Variants in RTTN observed in about 807,000 individuals in gnomAD.
RTTN encodes rotatin.
Under a neutral mutation model 269.2 loss-of-function variants are expected in RTTN, and 182 were observed. That is an observed-to-expected ratio of 0.68 (90% confidence interval 0.60 to 0.76). The LOEUF is 0.76. RTTN is among the 30% of genes least tolerant of loss of function. The probability of loss-of-function intolerance (pLI) is 0.00; values close to 1 mark genes in which losing one functional copy is unlikely to be tolerated. For missense variants in RTTN, 2,545 were observed against 2,608.6 expected (o/e 0.98, Z 0.53); for synonymous variants, 1,006 against 963.5 (o/e 1.04, Z -0.82).
Position 70,150,615 on chromosome 18 carries a change from T to C in RTTN, c.2048A>G (p.Glu683Gly). The C allele has an allele frequency of 1.9e-6, 3 of 1,612,170 alleles. No homozygotes were observed. Among genetic ancestry groups the C allele is most frequent in the Non-Finnish European group, 2.5e-6 (3 of 1,178,706 alleles). Residue 683 changes from glutamate (E) to glycine (G), a missense_variant, in exon 15 of 49, where the codon GAA becomes GGA. Transcript: ENST00000640769. ...EISVFGIQEPESEVNTAAKAI... is the reference protein window; with the variant it reads ...EISVFGIQEPGSEVNTAAKAI... ...TCATGTTTAATGTCATACCTCACTTTCGGGCTCTTGAATGCCAAATACAGA... is the reference window on the plus strand; with the variant it reads ...TCATGTTTAATGTCATACCTCACTTCCGGGCTCTTGAATGCCAAATACAGA...
intron 43 of RTTN, among the ~76,000 whole-genome samples, chr18:70,026,442 G>A (rs975467960): frequency 3.9e-5 from 6 of 151,922 alleles, no homozygotes; most frequent in African/African-American, 7.3e-5. Context: ...GTACCTCCTC[G>A]CCAGCTCTCT....
chr18:70,029,205 T>C (rs909059120), intron 42 of RTTN, among the ~76,000 whole-genome samples: 1 of 150,652 alleles, frequency 6.6e-6, no homozygotes, highest in Non-Finnish European at 1.5e-5. Context: ...ACAATCAATC[T>C]CCTGCATCAA....
chr18:70,184,746 G>GTGTGTT (rs2061504984), intron 10 of RTTN, among the ~76,000 whole-genome samples: 1 of 121,460 alleles, frequency 8.2e-6, no homozygotes, highest in Non-Finnish European at 1.7e-5. Flanking sequence ...GTGTGTGTGT[G>GTGTGTT]TGTGTGTGTG....
intron 14 of RTTN, among the ~76,000 whole-genome samples, chr18:70,165,405 A>G (rs1235783653): frequency 6.6e-6 from 1 of 151,938 alleles, no homozygotes; most frequent in East Asian, 1.9e-4. Context: ...TGGTGGGAGA[A>G]GAGAAAGCAA....
At chr18:70,174,285 G>A (rs957540635) in intron 11 of RTTN, among the ~76,000 whole-genome samples, 8 of 152,028 alleles carry the variant, frequency 5.3e-5, no homozygotes, top group African/African-American at 1.9e-4. Flanking sequence ...ACACAGAAGA[G>A]ACACCAGCCT....
At chr18:70,178,839 C>T (rs1225873221) in intron 10 of RTTN, among the ~76,000 whole-genome samples, 1 of 151,956 alleles carries the variant, frequency 6.6e-6, no homozygotes, top group African/African-American at 2.4e-5. Flanking sequence ...CTACTGATGA[C>T]ATGTTTAACA....
intron 45 of RTTN, 140 bp downstream of exon 45, chr18:70,020,475 C>A: frequency 2.5e-6 from 2 of 806,326 alleles, no homozygotes; most frequent in South Asian, 3.9e-5. Context: ...ACAAAGTGAA[C>A]CTCTTAACCC....
At chr18:70,079,049 G>A (rs1180617621) in intron 32 of RTTN, among the ~76,000 whole-genome samples, 3 of 151,982 alleles carry the variant, frequency 2.0e-5, no homozygotes, top group Non-Finnish European at 2.9e-5. Flanking sequence ...AAATCCTTAG[G>A]TACTAAAGTA....
chr18:70,021,500 T>TG (rs2056703629), intron 44 of RTTN, among the ~76,000 whole-genome samples: 1 of 152,194 alleles, frequency 6.6e-6, no homozygotes, highest in Non-Finnish European at 1.5e-5. Context: ...GAGGCCAACT[T>TG]AAGTATAAAC....
intron 10 of RTTN, among the ~76,000 whole-genome samples, chr18:70,184,701 A>G (rs1396531903): frequency 1.9e-3 from 41 of 21,100 alleles, no homozygotes; most frequent in East Asian, 0.011. Context: ...AAACCACAGC[A>G]GGTTTTTTTT....
chr18:70,152,423 A>G (rs1212759731), intron 14 of RTTN, among the ~76,000 whole-genome samples: 1 of 152,180 alleles, frequency 6.6e-6, no homozygotes, highest in Non-Finnish European at 1.5e-5. Flanking sequence ...AGGAGGATTC[A>G]ATGAGATAAT....
Position 70,188,210 on chromosome 18 carries a change from C to G in RTTN, c.1203G>C (p.Val401=). The stretch of plus-strand genomic sequence containing the variant: ...TAAGCAATTCCAGAACTCTTATTAT[C>G]ACTTGTCTGCTACCTAGGAATACAA... ...VPLLRTGSRQ[V]IIRVLELLTE... is the part of the protein sequence containing the mutation. The change falls in exon 10 of 49, where the codon GTG becomes GTC. Residue 401 remains valine, a synonymous_variant. Transcript: ENST00000640769. 1 of 1,590,402 alleles carries G rather than the reference C, an allele frequency of 6.3e-7. No individual in the cohort carries two copies. The highest frequency in any genetic ancestry group is 1.3e-5 in the African/African-American group (1 of 74,424).
chr18:70,029,994 T>G lies in RTTN; in HGVS notation c.5745+18A>C, dbSNP rs760763796. ...AATGGTCTCTATATATAGCCATTCA[T>G]TTATCCCAGAATGTTACCTTTTTTT... On this transcript the variant is annotated intron_variant, in intron 42 of 48. Coordinates refer to ENST00000640769, the MANE Select transcript of RTTN (RefSeq NM_173630.4). 1.3e-6 allele frequency: 2 copies of G among 1,579,472 alleles called. No individual in the cohort carries two copies. Among genetic ancestry groups the G allele is most frequent in the East Asian group, 2.2e-5 (1 of 44,634 alleles).
Position 70,017,677 on chromosome 18 carries a change from G to A in RTTN, c.6154-3C>T, listed in dbSNP as rs1486429777. The A allele has an allele frequency of 6.2e-7, 1 of 1,604,548 alleles. No individual in the cohort carries two copies. Among genetic ancestry groups the A allele is most frequent in the African/African-American group, 1.3e-5 (1 of 74,402 alleles). ...AGGAAGTTCTGTAAGAAGTTACTCT[G>A]TGGATAAATAGAGAGAATATTATTT... On this transcript the variant is annotated splice_polypyrimidine_tract_variant and splice_region_variant and intron_variant, in intron 45 of 48. Coordinates refer to ENST00000640769, the MANE Select transcript of RTTN (RefSeq NM_173630.4).
At chr18:70,033,576 T>C (rs1177560652) in intron 40 of RTTN, among the ~76,000 whole-genome samples, 1 of 152,126 alleles carries the variant, frequency 6.6e-6, no homozygotes, top group Non-Finnish European at 1.5e-5. Flanking sequence ...GCTAAGGCAG[T>C]GTTAACAGGA....
At chr18:70,117,416 T>C (rs2059628354) in intron 26 of RTTN, among the ~76,000 whole-genome samples, 1 of 152,064 alleles carries the variant, frequency 6.6e-6, no homozygotes, top group African/African-American at 2.4e-5. Context: ...TCTTGTAGCA[T>C]AATATTTAGG....
intron 4 of RTTN, among the ~76,000 whole-genome samples, chr18:70,201,473 T>C (rs1018169760): frequency 7.3e-5 from 11 of 150,610 alleles, no homozygotes; most frequent in Non-Finnish European, 1.6e-4. Context: ...CTGGGCGTAG[T>C]GGCGGGCGCC....
At chr18:70,013,602 T>C (rs2056458940) in intron 46 of RTTN, among the ~76,000 whole-genome samples, 1 of 152,126 alleles carries the variant, frequency 6.6e-6, no homozygotes, top group Non-Finnish European at 1.5e-5. Context: ...GAATATACAG[T>C]AGTAAAATGT....
At chr18:70,126,900 T>G (rs1006001314) in intron 25 of RTTN, among the ~76,000 whole-genome samples, 1 of 152,152 alleles carries the variant, frequency 6.6e-6, no homozygotes, top group Non-Finnish European at 1.5e-5. Flanking sequence ...ATAATAAAGT[T>G]ATACATTTTA....
Sources: gnomAD v4.1 joint callset for allele counts (sites outside exome capture counted in the v4.1 genomes callset) on GRCh38, gnomAD v4.1.1 for gene constraint, MANE v1.5 for transcripts, NCBI Gene and HGNC (gene_info 2026-07-23, HGNC 2026-07-21) for gene names.